HIPK2: variants seen among roughly 807,000 people sequenced by gnomAD.
The protein encoded by HIPK2 is homeodomain interacting protein kinase 2.
A neutral mutation model predicts 113.7 loss-of-function variants in HIPK2; 27 were observed. That is an observed-to-expected ratio of 0.24 (90% CI 0.17 to 0.33). The LOEUF (loss-of-function observed/expected upper bound fraction) is 0.33. HIPK2 is among the 10% of genes least tolerant of loss of function. HIPK2 has a pLI of 1.00. For missense variants in HIPK2, 1,257 were observed against 1,588.0 expected (o/e 0.79, Z 3.54); for synonymous variants, 631 against 642.2 (o/e 0.98, Z 0.26).
intron 2 of HIPK2, among the ~76,000 whole-genome samples, chr7:139,679,537 C>G (rs1199754356): frequency 6.6e-6 from 1 of 152,180 alleles, no homozygotes; most frequent in African/African-American, 2.4e-5. Flanking sequence ...ACCTATCGAA[C>G]TGCCTTTACA....
At chr7:139,698,312 T>C (rs1167711096) in intron 2 of HIPK2, among the ~76,000 whole-genome samples, 6 of 152,384 alleles carry the variant, frequency 3.9e-5, no homozygotes, top group African/African-American at 1.2e-4. Context: ...GGCGAAATAA[T>C]ATTCCATTGT....
chr7:139,631,299 A>G lies in HIPK2; in HGVS notation c.1228-15T>C. 6.2e-7 allele frequency: 1 copy of G among 1,604,090 alleles called. No homozygotes were observed. The highest frequency in any genetic ancestry group is 8.5e-7 in the Non-Finnish European group (1 of 1,174,796). Reference sequence around the variant, plus strand: ...ATATACCGAATCTGCAAGAAAAGATAAGAATGAGGTCAGGGCTTTTCCTGT... The same window carrying G: ...ATATACCGAATCTGCAAGAAAAGATGAGAATGAGGTCAGGGCTTTTCCTGT... On this transcript the variant is annotated splice_polypyrimidine_tract_variant and intron_variant, in intron 3 of 14. Transcript: ENST00000406875. This position sits in a 1 kb window ranked among gnomAD's most constrained non-coding sequence, Gnocchi z 4.9.
Position 139,694,006 on chromosome 7 carries a change from G to T in HIPK2, c.1103+21926C>A, listed in dbSNP as rs141216623. Among the ~76,000 whole-genome samples the T allele has an allele frequency of 5.0e-3, 766 of 152,282 alleles. 9 individuals carry two copies. Among genetic ancestry groups the T allele is most frequent in the African/African-American group, 0.018 (728 of 41,564 alleles). The stretch of plus-strand genomic sequence containing the variant: ...AGTGCAGTCTTTCCTTGAAGTGACT[G>T]ATTCTAAACCGAGAAGAAACTTGGA... On this transcript the variant is annotated intron_variant, in intron 2 of 14. Transcript: ENST00000406875.
chr7:139,774,033 G>A (rs370619499), intron 1 of HIPK2, among the ~76,000 whole-genome samples: 1 of 152,294 alleles, frequency 6.6e-6, no homozygotes, highest in East Asian at 1.9e-4. Context: ...ATCTGGAAAG[G>A]TCACAGAGGG....
At chr7:139,614,654 C>T (rs190395837) in intron 7 of HIPK2, 161 bp from the exon 8 acceptor site, 10 of 212,068 alleles carry the variant, frequency 4.7e-5, no homozygotes, top group Admixed American at 2.0e-4. Context: ...AGTGGAAACA[C>T]GATTGAAAGT....
rs62491681 is a variant in HIPK2 at position 139,599,110 on chromosome 7, C to T, written c.2435+1307G>A. On this transcript the variant is annotated intron_variant, in intron 11 of 14. Coordinates refer to ENST00000406875, the MANE Select transcript of HIPK2 (RefSeq NM_022740.5). The stretch of plus-strand genomic sequence containing the variant: ...CAAAATCACTAGACATTTTGTATAC[C>T]AGATTTCTCTTGATTGACTTATCGC... 6.7e-3 allele frequency among the ~76,000 whole-genome samples: 1,016 copies of T among 152,254 alleles called. 7 individuals carry two copies. Among genetic ancestry groups the T allele is most frequent in the Non-Finnish European group, 0.011 (770 of 68,024 alleles).
intron 1 of HIPK2, among the ~76,000 whole-genome samples, chr7:139,775,022 C>G (rs1392962306): frequency 6.6e-6 from 1 of 152,200 alleles, no homozygotes; most frequent in African/African-American, 2.4e-5. Context: ...TCAGAACGCT[C>G]CATTAATGTA....
rs768898572 is a variant in HIPK2, at chr7:139,573,132, A to C, written c.3392T>G (p.Val1131Gly). Residue 1131 changes from valine to glycine, a missense_variant, in exon 15 of 15, where the codon GTG becomes GGG. Coordinates refer to ENST00000406875, the MANE Select transcript of HIPK2 (RefSeq NM_022740.5). ...VASQGSARHT[V>G]QHTAYPASIV... Reference sequence around the variant, plus strand: ...GCTGGCTGGGTAGGCAGTGTGCTGCACGGTGTGGCGCGCAGAGCCTTGCGA... The same window carrying C: ...GCTGGCTGGGTAGGCAGTGTGCTGCCCGGTGTGGCGCGCAGAGCCTTGCGA... 1 of 1,611,758 alleles carries C rather than the reference A, an allele frequency of 6.2e-7. No individual in the cohort carries two copies. The highest frequency in any genetic ancestry group is 2.2e-5 in the East Asian group (1 of 44,806).
intron 12 of HIPK2, 97 bp from the exon 13 acceptor site, chr7:139,584,161 G>C: frequency 6.7e-7 from 1 of 1,484,278 alleles, no homozygotes; most frequent in Non-Finnish European, 9.0e-7. Context: ...GGGAGGCAGA[G>C]GGGAGAGGGC....
intron 9 of HIPK2, among the ~76,000 whole-genome samples, chr7:139,607,144 G>A (rs1799646451): frequency 6.6e-6 from 1 of 151,940 alleles, no homozygotes. Context: ...TTCAAAAGGA[G>A]GTTTCAAAAA....
chr7:139,777,575 G>T (rs1796802623), intron 1 of HIPK2, 30 bp downstream of exon 1: 4 of 1,006,858 alleles, frequency 4.0e-6, no homozygotes, highest in South Asian at 4.6e-5. Flanking sequence ...GGCGGCGGGC[G>T]CGGGGTCGGC....
chr7:139,772,449 T>G (rs1199394606), intron 1 of HIPK2, among the ~76,000 whole-genome samples: 1 of 152,230 alleles, frequency 6.6e-6, no homozygotes, highest in Non-Finnish European at 1.5e-5. Flanking sequence ...GAAGACAGGA[T>G]CTTCTGCAAG....
intron 1 of HIPK2, 72 bp downstream of exon 1, chr7:139,777,533 G>C (rs1483400399): frequency 1.4e-6 from 1 of 704,032 alleles, no homozygotes; most frequent in Non-Finnish European, 1.8e-6. Context: ...GCGCGGGGCC[G>C]CGGGCAGAAC....
At chr7:139,635,220 T>C (rs777182617) in intron 2 of HIPK2, among the ~76,000 whole-genome samples, 7 of 152,178 alleles carry the variant, frequency 4.6e-5, no homozygotes, top group Non-Finnish European at 7.3e-5. Flanking sequence ...CCCTGCCCTC[T>C]TGCAGCCTGA....
At chr7:139,576,669 A>G (rs535325362) in intron 13 of HIPK2, among the ~76,000 whole-genome samples, 1 of 152,326 alleles carries the variant, frequency 6.6e-6, no homozygotes, top group South Asian at 2.1e-4. Context: ...GAGCGTGAAT[A>G]AGGAGGAGGC....
intron 2 of HIPK2, among the ~76,000 whole-genome samples, chr7:139,656,438 A>ATT (rs1282678946): frequency 6.6e-6 from 1 of 151,890 alleles, no homozygotes; most frequent in Non-Finnish European, 1.5e-5. Flanking sequence ...TCTTTTTGGG[A>ATT]TTTACCTCAC....
chr7:139,774,904 A>G (rs1304516174), intron 1 of HIPK2, among the ~76,000 whole-genome samples: 2 of 152,216 alleles, frequency 1.3e-5, no homozygotes, highest in Non-Finnish European at 2.9e-5. Flanking sequence ...TTATAAACCT[A>G]TCCTTCAAGC....
chr7:139,569,771 C>G lies in HIPK2; in HGVS notation c.*3156G>C, dbSNP rs1798204726. 2 of 151,602 alleles carry G rather than the reference C, an allele frequency of 1.3e-5. No homozygotes were observed. The highest frequency in any genetic ancestry group is 1.3e-4 in the Admixed American group (2 of 15,226). The allele number at this position is 151,602 out of a possible 1,614,324, so 9.4% of individuals were successfully genotyped here. ...TTTTTTGCCTGACAAAACTGGACAT[C>G]TGGATGTCCCTCCAGTCTACTTATA... On this transcript the variant is annotated 3_prime_UTR_variant, in exon 15 of 15. Coordinates refer to ENST00000406875, the MANE Select transcript of HIPK2 (RefSeq NM_022740.5).
intron 13 of HIPK2, among the ~76,000 whole-genome samples, chr7:139,582,662 G>A (rs1349965729): frequency 1.3e-5 from 2 of 152,254 alleles, no homozygotes. Context: ...ATGCTGCCTT[G>A]GGTTAGGAAG....
Sources: allele counts gnomAD v4.1 joint callset (sites outside exome capture counted in the v4.1 genomes callset), GRCh38; gene constraint gnomAD v4.1.1; non-coding constraint Gnocchi (gnomAD v3.1); transcripts MANE v1.5; gene names NCBI Gene and HGNC (gene_info 2026-07-23, HGNC 2026-07-21).